Variants in GALNT14 observed in about 807,000 individuals in gnomAD.
The protein encoded by GALNT14 is polypeptide N-acetylgalactosaminyltransferase 14, also known as UDP-GalNAc:polypeptide N-acetylgalactosaminyltransferase 14.
A neutral mutation model predicts 77.5 loss-of-function variants in GALNT14; 60 were observed. That is an observed-to-expected ratio of 0.77 (90% CI 0.63 to 0.96). GALNT14 has a LOEUF of 0.96. GALNT14 is among the 40% of genes least tolerant of loss of function. The probability of loss-of-function intolerance (pLI) is 0.00; values close to 1 mark genes in which losing one functional copy is unlikely to be tolerated. For synonymous variants in GALNT14, 280 were observed against 281.7 expected (o/e 0.99, Z 0.06); for missense variants, 710 against 731.0 (o/e 0.97, Z 0.33).
chr2:30,966,409 T>C, intron 2 of GALNT14, 107 bp from the exon 3 acceptor site: 4 of 750,512 alleles, frequency 5.3e-6, no homozygotes, highest in Middle Eastern at 2.5e-4. Context: ...AGATGCTTGA[T>C]ATCTAGAAGG....
At chr2:31,059,932 TA>T (rs983474765) in intron 1 of GALNT14, among the ~76,000 whole-genome samples, 2 of 152,204 alleles carry the variant, frequency 1.3e-5, no homozygotes, top group Non-Finnish European at 2.9e-5. Context: ...CCAAGCAGAC[TA>T]AAACAATGCC....
intron 1 of GALNT14, among the ~76,000 whole-genome samples, chr2:31,077,946 T>C (rs1675903197): frequency 6.6e-6 from 1 of 152,146 alleles, no homozygotes; most frequent in Non-Finnish European, 1.5e-5. Context: ...GGTTACAAAA[T>C]AGAGTTGTGG....
At chr2:30,917,306 G>T (rs62139532) in intron 13 of GALNT14, among the ~76,000 whole-genome samples, 32,706 of 151,834 alleles carry the variant, frequency 0.22, 3,691 homozygotes, top group South Asian at 0.26. Flanking sequence ...CCACCAGTGG[G>T]TGGGGTCATG....
In GALNT14 at chr2:30,917,373, G is replaced by A. The variant is rs139659772; in HGVS notation, c.1381-5031C>T. Reference sequence around the variant, plus strand: ...CAACCCCTCAACAAAGAAGGATCTGGCCCTATTACCAGTAGTGCTGAGGGT... The same window carrying A: ...CAACCCCTCAACAAAGAAGGATCTGACCCTATTACCAGTAGTGCTGAGGGT... On this transcript the variant is annotated intron_variant, in intron 13 of 14. Transcript: ENST00000349752. Among the ~76,000 whole-genome samples the A allele has an allele frequency of 1.5e-3, 230 of 152,288 alleles. No individual in the cohort carries two copies. The Middle Eastern group carries it at 0.02, about 14-fold the overall frequency.
At chr2:30,916,580 C>T (rs1364251819) in intron 13 of GALNT14, among the ~76,000 whole-genome samples, 1 of 152,172 alleles carries the variant, frequency 6.6e-6, no homozygotes, top group Non-Finnish European at 1.5e-5. Context: ...GCCTTAAAAC[C>T]TTCTGTGCTT....
intron 1 of GALNT14, among the ~76,000 whole-genome samples, chr2:31,014,966 T>C (rs1671260720): frequency 6.6e-6 from 1 of 152,116 alleles, no homozygotes; most frequent in African/African-American, 2.4e-5. Context: ...CTGTGGCCTC[T>C]GAAGAATCAA....
At chr2:31,131,661 G>A (rs1450695826) in intron 1 of GALNT14, among the ~76,000 whole-genome samples, 1 of 152,180 alleles carries the variant, frequency 6.6e-6, no homozygotes, top group Non-Finnish European at 1.5e-5. Context: ...GGGATGGGGA[G>A]GCATGGTGTA....
At chr2:31,109,658 C>A (rs952920853) in intron 1 of GALNT14, among the ~76,000 whole-genome samples, 3 of 152,296 alleles carry the variant, frequency 2.0e-5, no homozygotes, top group East Asian at 3.9e-4. Flanking sequence ...TTGTAATGGA[C>A]GCGATGTGGT....
chr2:30,977,234 C>T (rs77291408), intron 2 of GALNT14, among the ~76,000 whole-genome samples: 3,461 of 152,160 alleles, frequency 0.023, 143 homozygotes, highest in East Asian at 0.21. Context: ...GGACTACAGG[C>T]ATGCGCCAGT....
At chr2:31,031,015 G>A (rs539567487) in intron 1 of GALNT14, among the ~76,000 whole-genome samples, 58 of 152,316 alleles carry the variant, frequency 3.8e-4, no homozygotes, top group African/African-American at 1.3e-3. Flanking sequence ...CATGTGTGTA[G>A]TCACACACCC....
intron 2 of GALNT14, among the ~76,000 whole-genome samples, chr2:30,971,817 T>G (rs994879689): frequency 6.6e-6 from 1 of 152,050 alleles, no homozygotes; most frequent in African/African-American, 2.4e-5. Flanking sequence ...CAGTGATGGT[T>G]GCTGTCAGTC....
rs369049989 is a variant in GALNT14 at position 31,082,039 on chromosome 2, G to T, written c.129+55919C>A. On this transcript the variant is annotated intron_variant, in intron 1 of 14. Coordinates refer to ENST00000349752, the MANE Select transcript of GALNT14 (RefSeq NM_024572.4). ...TTGCCTATGTCACATCAACAGGGCAGGGAGCAGAGGCTCCTACAAACTTAC... is the reference window on the plus strand; with the variant it reads ...TTGCCTATGTCACATCAACAGGGCATGGAGCAGAGGCTCCTACAAACTTAC... Among the ~76,000 whole-genome samples, 155 of 152,332 alleles carry T rather than the reference G, an allele frequency of 1.0e-3. 3 individuals carry two copies. In the South Asian group the frequency reaches 0.016, roughly 16 times the overall value.
chr2:31,036,716 T>C (rs1279886178), intron 1 of GALNT14, among the ~76,000 whole-genome samples: 1 of 152,236 alleles, frequency 6.6e-6, no homozygotes, highest in Non-Finnish European at 1.5e-5. Context: ...AGTTTTTGTT[T>C]ATTTGAGAAT....
chr2:30,918,077 G>C (rs996548195), intron 13 of GALNT14, among the ~76,000 whole-genome samples: 1 of 152,222 alleles, frequency 6.6e-6, no homozygotes, highest in African/African-American at 2.4e-5. Flanking sequence ...TTTTTCTCCA[G>C]AGGCAGCAGG....
chr2:30,915,870 A>T (rs1440141103), intron 13 of GALNT14, among the ~76,000 whole-genome samples: 3 of 152,210 alleles, frequency 2.0e-5, no homozygotes, highest in Non-Finnish European at 4.4e-5. Context: ...ACAAAAGCTT[A>T]TATGTAACAA....
intron 1 of GALNT14, among the ~76,000 whole-genome samples, chr2:31,054,052 C>T (rs1674064151): frequency 6.6e-6 from 1 of 152,196 alleles, no homozygotes; most frequent in African/African-American, 2.4e-5. Context: ...GTGCCAGGCA[C>T]TGAATTAGGC....
intron 1 of GALNT14, among the ~76,000 whole-genome samples, chr2:31,089,499 T>A (rs1676621246): frequency 6.6e-6 from 1 of 152,184 alleles, no homozygotes; most frequent in African/African-American, 2.4e-5. Context: ...GCAGAACTAT[T>A]GTTTCTGGAG....
chr2:30,924,366 G>T, intron 12 of GALNT14, 103 bp from the exon 13 acceptor site: 1 of 1,278,724 alleles, frequency 7.8e-7, no homozygotes, highest in Non-Finnish European at 1.1e-6. Flanking sequence ...GCAGGGCTGG[G>T]CTGTTAGAAA....
At chr2:31,123,141 C>G (rs1208724837) in intron 1 of GALNT14, among the ~76,000 whole-genome samples, 1 of 137,892 alleles carries the variant, frequency 7.3e-6, no homozygotes, top group East Asian at 2.1e-4. Context: ...GAGGTGGCAC[C>G]ACTGCACTCC....
Sources: allele counts gnomAD v4.1 joint callset (sites outside exome capture counted in the v4.1 genomes callset), GRCh38; gene constraint gnomAD v4.1.1; transcripts MANE v1.5; gene names NCBI Gene and HGNC (gene_info 2026-07-23, HGNC 2026-07-21).